The following HEPACAM variants were observed in gnomAD, a reference collection of about 807,000 sequenced individuals.
HEPACAM encodes the protein hepatic and glial cell adhesion molecule.
In HEPACAM, 18 loss-of-function variants were observed where a neutral mutation model predicts 38.3. That is an observed-to-expected ratio of 0.47 (90% CI 0.33 to 0.70). HEPACAM has a LOEUF of 0.70. HEPACAM is among the 30% of genes least tolerant of loss of function. The pLI, the probability that HEPACAM is intolerant of heterozygous loss-of-function variation, is 0.03. For missense variants in HEPACAM, 466 were observed against 563.0 expected, an observed-to-expected ratio of 0.83 and a Z score of 1.74; for synonymous variants, 216 against 243.1, an observed-to-expected ratio of 0.89 and a Z score of 1.04.
In HEPACAM at chr11:124,919,502, C is replaced by T. The variant is rs1947094214; in HGVS notation, c.*1636G>A. On this transcript the variant is annotated 3_prime_UTR_variant, in exon 7 of 7. Transcript: ENST00000298251. ...TCTCAAGGCTGACCAGCAGGTACTC[C>T]TTATCCAAGTCCTGCTGCCTCTTCC... The T allele has an allele frequency of 1.8e-6, 1 of 549,362 alleles. No homozygotes were observed. Among genetic ancestry groups the T allele is most frequent in the East Asian group, 3.0e-5 (1 of 32,864 alleles). The allele number at this position is 549,362 out of a possible 1,614,324, so 34.0% of individuals were successfully genotyped here. A position where few individuals can be genotyped will look rare whatever the true frequency, so the allele number is the denominator to read the frequency against.
chr11:124,919,696 C>T lies in HEPACAM; in HGVS notation c.*1442G>A. ...TGGGGTTCAGGGCAGAGGGGGCAAA[C>T]TAGAAATGTCAGTGCCTTTGGGGCT... On this transcript the variant is annotated 3_prime_UTR_variant, in exon 7 of 7. Transcript: ENST00000298251. 2.5e-6 allele frequency: 4 copies of T among 1,591,118 alleles called. No homozygotes were observed. The highest frequency in any genetic ancestry group is 1.7e-6 in the Non-Finnish European group (2 of 1,168,198).
chr11:124,935,880 G>A (rs746991830), intron 1 of HEPACAM, 42 bp downstream of exon 1: 16 of 1,569,748 alleles, frequency 1.0e-5, no homozygotes, highest in Admixed American at 6.7e-5. Context: ...TAAAAGCCCC[G>A]GGTCCTTTCT....
Position 124,920,936 on chromosome 11 carries a change from C to G in HEPACAM, c.*202G>C. On this transcript the variant is annotated 3_prime_UTR_variant, in exon 7 of 7. Coordinates refer to ENST00000298251, the MANE Select transcript of HEPACAM (RefSeq NM_152722.5). ...CAGTAAACCGGAAGCAAATGCGACC[C>G]GGTTTCACCATATCAACACTGCCGC... 7.4e-7 allele frequency: 1 copy of G among 1,352,878 alleles called. No individual in the cohort carries two copies. 83.8% of individuals were successfully genotyped at this position (1,352,878 alleles called of 1,614,324 possible).
chr11:124,922,339 G>A, intron 6 of HEPACAM, 49 bp downstream of exon 6: 1 of 1,517,750 alleles, frequency 6.6e-7, no homozygotes, highest in Non-Finnish European at 9.2e-7. Flanking sequence ...TCAGGCATGT[G>A]GGAGGGGATC....
At chr11:124,935,396 G>A (rs945310791) in intron 1 of HEPACAM, among the ~76,000 whole-genome samples, 2 of 152,098 alleles carry the variant, frequency 1.3e-5, no homozygotes, top group African/African-American at 4.8e-5. Context: ...GGTAGGGGGC[G>A]GTAGAGGAGG....
rs773630660 is a variant in HEPACAM, at chr11:124,935,899, T to C, written c.85+23A>G. ...AGCCCCGGGTCCTTTCTTCAGACCC[T>C]TTCTTACCCTCTGGCCTCCTACCTG... On this transcript the variant is annotated intron_variant, in intron 1 of 6. Transcript: ENST00000298251. The C allele has an allele frequency of 8.7e-6, 14 of 1,610,450 alleles. No homozygotes were observed. In the Admixed American group the frequency reaches 2.3e-4, roughly 27 times the overall value.
In HEPACAM at chr11:124,920,409, T is replaced by A; in HGVS notation, c.*729A>T. 1 of 1,548,478 alleles carries A rather than the reference T, an allele frequency of 6.5e-7. No individual in the cohort carries two copies. The highest frequency in any genetic ancestry group is 1.4e-5 in the African/African-American group (1 of 73,052). On this transcript the variant is annotated 3_prime_UTR_variant, in exon 7 of 7. Coordinates refer to ENST00000298251, the MANE Select transcript of HEPACAM (RefSeq NM_152722.5). Reference sequence around the variant, plus strand: ...GAAAGAGTGCTTGGCATGGCATGCCTCCGAGGGAGGCTGTGGGAGGAGGCC... The same window carrying A: ...GAAAGAGTGCTTGGCATGGCATGCCACCGAGGGAGGCTGTGGGAGGAGGCC...
chr11:124,923,921 C>T lies in HEPACAM; in HGVS notation c.517G>A (p.Gly173Ser), dbSNP rs757287703. Reference sequence around the variant, plus strand: ...AGCCAGGTGTAGCTGGGCTTGGTGCCATTCTCATGTGAGCAGTTCAAGGTG... The same window carrying T: ...AGCCAGGTGTAGCTGGGCTTGGTGCTATTCTCATGTGAGCAGTTCAAGGTG... ...AFTLNCSHEN[G>S]TKPSYTWLKD... The change falls in exon 3 of 7, where the codon GGC (glycine) becomes AGC (serine). Residue 173 changes from glycine (G) to serine (S), a missense_variant. By Grantham distance (56) the Gly-to-Ser change is moderately conservative (BLOSUM62 0). Transcript: ENST00000298251. The T allele has an allele frequency of 6.2e-7, 1 of 1,613,354 alleles. No individual in the cohort carries two copies. The highest frequency in any genetic ancestry group is 8.5e-7 in the Non-Finnish European group (1 of 1,180,010).
rs893980512 is a variant in HEPACAM at position 124,924,084 on chromosome 11, C to T, written c.428-74G>A. 3.6e-6 allele frequency: 5 copies of T among 1,394,570 alleles called. No homozygotes were observed. The Admixed American group carries it at 7.8e-5, about 22-fold the overall frequency. The allele number at this position is 1,394,570 out of a possible 1,614,324, so 86.4% of individuals were successfully genotyped here. ...CTCCCTTCCCCTTTTTAGCTCCCTG[C>T]CTTCCAACACACCTTTAACACTACC... On this transcript the variant is annotated intron_variant, in intron 2 of 6. Coordinates refer to ENST00000298251, the MANE Select transcript of HEPACAM (RefSeq NM_152722.5). This position sits in a 1 kb window ranked among gnomAD's most constrained non-coding sequence, Gnocchi z 4.4.
At position 124,920,327 on chromosome 11, in the gene HEPACAM, A is replaced by T. The variant is rs778932700; in HGVS notation, c.*811T>A. 3 of 1,444,450 alleles carry T rather than the reference A, an allele frequency of 2.1e-6. No homozygotes were observed. The highest frequency in any genetic ancestry group is 1.8e-4 in the Middle Eastern group (1 of 5,712). 89.5% of individuals were successfully genotyped at this position (1,444,450 alleles called of 1,614,324 possible). On this transcript the variant is annotated 3_prime_UTR_variant, in exon 7 of 7. Coordinates refer to ENST00000298251, the MANE Select transcript of HEPACAM (RefSeq NM_152722.5). ...GTTTTCGGGCCAGGGGAGTAAGTGAAATTCACTTCTCTATAAGAATAAGCC... is the reference window on the plus strand; with the variant it reads ...GTTTTCGGGCCAGGGGAGTAAGTGATATTCACTTCTCTATAAGAATAAGCC...
intron 1 of HEPACAM, 55 bp downstream of exon 1, chr11:124,935,866 GC>G: frequency 6.7e-7 from 1 of 1,490,500 alleles, no homozygotes; most frequent in Admixed American, 1.7e-5. Context: ...CCCTCCGTCT[GC>G]TGTAAAAGCC....
intron 1 of HEPACAM, among the ~76,000 whole-genome samples, chr11:124,933,869 C>A (rs1483994875): frequency 6.6e-6 from 1 of 152,176 alleles, no homozygotes; most frequent in Non-Finnish European, 1.5e-5. Context: ...GGCTTCTAGT[C>A]CTTCTGTCTC....
intron 1 of HEPACAM, among the ~76,000 whole-genome samples, 158 bp downstream of exon 1, chr11:124,935,764 C>G (rs2135409977): frequency 1.3e-5 from 2 of 152,322 alleles, no homozygotes; most frequent in South Asian, 4.1e-4. Context: ...GAAATACGTT[C>G]AACGCTAATG....
rs1016047270 is a variant in HEPACAM at position 124,919,873 on chromosome 11, G to A, written c.*1265C>T. 3.1e-6 allele frequency: 5 copies of A among 1,614,092 alleles called. No individual in the cohort carries two copies. The highest frequency in any genetic ancestry group is 4.2e-6 in the Non-Finnish European group (5 of 1,180,022). ...GGAGGAGGGAATGGAATACACAGAG[G>A]GCCTCCTTCTCTTTCAGCTTTTTAA... On this transcript the variant is annotated 3_prime_UTR_variant, in exon 7 of 7. Coordinates refer to ENST00000298251, the MANE Select transcript of HEPACAM (RefSeq NM_152722.5).
In HEPACAM at chr11:124,923,338, A is replaced by G; in HGVS notation, c.803+2T>C. 6.2e-7 allele frequency: 1 copy of G among 1,603,408 alleles called. No individual in the cohort carries two copies. Among genetic ancestry groups the G allele is most frequent in the South Asian group, 1.1e-5 (1 of 90,878 alleles). On this transcript the variant is annotated splice_donor_variant, in intron 4 of 6. Transcript: ENST00000298251. LOFTEE classifies it high-confidence loss of function. Reference sequence around the variant, plus strand: ...TCAGGTGCTCAGGAGAGTTACCCAGACCTTTTGGAGGGTTTCCAGCAGGCA... The same window carrying G: ...TCAGGTGCTCAGGAGAGTTACCCAGGCCTTTTGGAGGGTTTCCAGCAGGCA...
chr11:124,934,173 A>G (rs561843861), intron 1 of HEPACAM, among the ~76,000 whole-genome samples: 1 of 152,242 alleles, frequency 6.6e-6, no homozygotes, highest in South Asian at 2.1e-4. Flanking sequence ...AAGGTTTCAC[A>G]CAGCAATCCT....
In HEPACAM at chr11:124,920,677, GCAA is replaced by G. The variant is rs1239117363; in HGVS notation, c.*458_*460del. 0.021 allele frequency: 2,274 copies of G among 107,044 alleles called. 68 individuals carry two copies. Among genetic ancestry groups the G allele is most frequent in the Middle Eastern group, 0.064 (14 of 218 alleles). 6.6% of individuals were successfully genotyped at this position (107,044 alleles called of 1,614,324 possible). On this transcript the variant is annotated 3_prime_UTR_variant, in exon 7 of 7. Transcript: ENST00000298251. ...AAAGTGGCCTCTCTAATCTGAACTT[GCAA>G]AAAAAAAAAAAAAAAAAAAAAAAAA... is the stretch of plus-strand genomic sequence containing the variant.
intron 1 of HEPACAM, among the ~76,000 whole-genome samples, chr11:124,930,814 C>T (rs1260308092): frequency 6.6e-6 from 1 of 152,158 alleles, no homozygotes; most frequent in Non-Finnish European, 1.5e-5. Context: ...AACGAATTGA[C>T]CCTTACCTCA....
At position 124,922,760 on chromosome 11, in the gene HEPACAM, G is replaced by A. The variant is rs149782549; in HGVS notation, c.862C>T (p.Arg288Cys). ...GGGAGCTCACCTTCTGGTTTCAGGC[G>A]GTCATCATTCTGATCCATGTATTCC... ...SLEYMDQNDD[R>C]LKPEADTLPR... The change falls in exon 5 of 7, where the codon CGC (arginine) becomes TGC (cysteine). Residue 288 changes from arginine (R) to cysteine (C), a missense_variant. By Grantham distance (180) the Arg-to-Cys change is radical. Transcript: ENST00000298251. The A allele has an allele frequency of 4.3e-4, 689 of 1,614,026 alleles. 2 individuals carry two copies. Among genetic ancestry groups the A allele is most frequent in the Non-Finnish European group, 5.3e-4 (621 of 1,180,024 alleles).
Sources: gnomAD v4.1 joint callset for allele counts (sites outside exome capture counted in the v4.1 genomes callset) on GRCh38, gnomAD v4.1.1 for gene constraint, Gnocchi (gnomAD v3.1) non-coding constraint, MANE v1.5 for transcripts, NCBI Gene and HGNC (gene_info 2026-07-23, HGNC 2026-07-21) for gene names.